TECTB: variants seen among roughly 807,000 people sequenced by gnomAD.
TECTB encodes tectorin beta.
In TECTB, 45 loss-of-function variants were observed where a neutral mutation model predicts 43.3. The observed-to-expected ratio is 1.04, with a 90% CI of 0.82 to 1.33. The LOEUF is 1.33. Ranked by LOEUF, TECTB falls within the 40% of genes most tolerant of loss-of-function variation. The probability of loss-of-function intolerance (pLI) is 0.00; values close to 1 mark genes in which losing one functional copy is unlikely to be tolerated. For missense variants in TECTB, 399 were observed against 404.7 expected (o/e 0.99, Z 0.12); for synonymous variants, 169 against 156.7 (o/e 1.08, Z -0.59).
chr10:112,302,206 C>T, intron 10 of TECTB, 73 bp downstream of exon 10: 1 of 1,575,164 alleles, frequency 6.3e-7, no homozygotes, highest in East Asian at 2.2e-5. Context: ...TTAAGAGAAG[C>T]TTAACTTTGG....
At position 112,303,826 on chromosome 10, in the gene TECTB, G is replaced by C. The variant is rs1341064915; in HGVS notation, c.*514G>C. 1.3e-5 allele frequency: 2 copies of C among 157,566 alleles called. No homozygotes were observed. The highest frequency in any genetic ancestry group is 1.2e-4 in the Admixed American group (2 of 16,528). 9.8% of individuals were successfully genotyped at this position (157,566 alleles called of 1,614,324 possible). Reference sequence around the variant, plus strand: ...TTCCAATCTTTCAACTGATGACATGGGAGATGATGTGGGATTCAGAGTGGA... The same window carrying C: ...TTCCAATCTTTCAACTGATGACATGCGAGATGATGTGGGATTCAGAGTGGA... On this transcript the variant is annotated 3_prime_UTR_variant, in exon 11 of 11. Transcript: ENST00000646139.
chr10:112,303,109 G>A lies in TECTB; in HGVS notation c.941-154G>A. On this transcript the variant is annotated intron_variant, in intron 10 of 10. Transcript: ENST00000646139. ...TGTCAGGTTCTTTGTACTGATAAAT[G>A]TGAGCTACAGAATCCCCAAGGGATG... is the stretch of plus-strand genomic sequence containing the variant. 6.1e-6 allele frequency: 5 copies of A among 817,650 alleles called. No homozygotes were observed. The South Asian group carries it at 8.1e-5, about 13-fold the overall frequency. The allele number at this position is 817,650 out of a possible 1,614,324, so 50.6% of individuals were successfully genotyped here. A position where few individuals can be genotyped will look rare whatever the true frequency, so the allele number is the denominator to read the frequency against.
intron 5 of TECTB, among the ~76,000 whole-genome samples, chr10:112,288,064 C>T (rs1298873112): frequency 6.6e-6 from 1 of 152,154 alleles, no homozygotes; most frequent in East Asian, 1.9e-4. Context: ...GAAAGCCGTC[C>T]GGAGAGGAAA....
chr10:112,294,994 A>G (rs188362893), intron 7 of TECTB, among the ~76,000 whole-genome samples: 1 of 152,308 alleles, frequency 6.6e-6, no homozygotes, highest in East Asian at 1.9e-4. Context: ...GGAAATATGG[A>G]TTCTCGCTGA....
chr10:112,297,397 G>T (rs776198721), intron 7 of TECTB, among the ~76,000 whole-genome samples: 23 of 151,878 alleles, frequency 1.5e-4, no homozygotes, highest in Non-Finnish European at 3.1e-4. Flanking sequence ...TACAAATATT[G>T]TATTCTCATT....
At chr10:112,283,901 TA>T in intron 2 of TECTB, 91 bp downstream of exon 2, 1 of 1,358,838 alleles carries the variant, frequency 7.4e-7, no homozygotes, top group Non-Finnish European at 1.0e-6. Flanking sequence ...TAACTTGTTA[TA>T]AAAATGTAAT....
At position 112,300,231 on chromosome 10, in the gene TECTB, AAAGAAAGAAAGAAAGAAAGAAAG is replaced by A. The variant is rs1380738208; in HGVS notation, c.907+670_907+692del. Among the ~76,000 whole-genome samples, 14 of 100,078 alleles carry A rather than the reference AAAGAAAGAAAGAAAGAAAGAAAG, an allele frequency of 1.4e-4. 1 individual carries two copies. In the South Asian group the frequency reaches 4.2e-3, roughly 30 times the overall value. The allele number at this position is 100,078 out of a possible 152,430, so 65.7% of individuals were successfully genotyped here. On this transcript the variant is annotated intron_variant, in intron 9 of 10. Coordinates refer to ENST00000646139, the MANE Select transcript of TECTB (RefSeq NM_058222.3). The stretch of plus-strand genomic sequence containing the variant: ...GACAGACAGACAGACAGAAAGAAAT[AAAGAAAGAAAGAAAGAAAGAAAG>A]AAAGAAAGAAAGAAAGAAAGAAAGA...
chr10:112,296,117 C>T (rs1045938282), intron 7 of TECTB, among the ~76,000 whole-genome samples: 4 of 152,152 alleles, frequency 2.6e-5, no homozygotes, highest in African/African-American at 9.7e-5. Flanking sequence ...GAAAAGTCCA[C>T]TCCCACAATC....
chr10:112,299,419 T>C (rs1160451667), intron 8 of TECTB, 73 bp from the exon 9 acceptor site: 10 of 1,432,458 alleles, frequency 7.0e-6, no homozygotes, highest in Admixed American at 3.6e-5. Flanking sequence ...CTTTTCTTTC[T>C]CTTTTCTCCC....
rs1003306440 is a variant in TECTB at position 112,283,894 on chromosome 10, C to G, written c.76+84C>G. 7 of 1,411,028 alleles carry G rather than the reference C, an allele frequency of 5.0e-6. No homozygotes were observed. The African/African-American group carries it at 8.6e-5, about 17-fold the overall frequency. The allele number at this position is 1,411,028 out of a possible 1,614,324, so 87.4% of individuals were successfully genotyped here. ...CAATGCTCAGCACTTCTGTGCTTAACTTGTTATAAAAATGTAATGATGTAG... is the reference window on the plus strand; with the variant it reads ...CAATGCTCAGCACTTCTGTGCTTAAGTTGTTATAAAAATGTAATGATGTAG... On this transcript the variant is annotated intron_variant, in intron 2 of 10. Transcript: ENST00000646139.
At chr10:112,297,739 G>A (rs569642292) in intron 7 of TECTB, among the ~76,000 whole-genome samples, 1 of 151,960 alleles carries the variant, frequency 6.6e-6, no homozygotes, top group African/African-American at 2.4e-5. Context: ...GTCCCTCAAG[G>A]GCTGGACATA....
chr10:112,303,649 G>A lies in TECTB; in HGVS notation c.*337G>A. ...AGGTTAGCAGACCCAACCAAGTACT[G>A]CTGAGCATTTTGAAGAGAATGTAGG... is the stretch of plus-strand genomic sequence containing the variant. On this transcript the variant is annotated 3_prime_UTR_variant, in exon 11 of 11. Transcript: ENST00000646139. The A allele has an allele frequency of 3.4e-6, 1 of 290,964 alleles. No homozygotes were observed. Among genetic ancestry groups the A allele is most frequent in the Non-Finnish European group, 6.5e-6 (1 of 153,100 alleles). 18.0% of individuals were successfully genotyped at this position (290,964 alleles called of 1,614,324 possible).
In TECTB at chr10:112,298,075, C is replaced by T; in HGVS notation, c.678C>T (p.Pro226=). 1.2e-6 allele frequency: 2 copies of T among 1,614,182 alleles called. No homozygotes were observed. Among genetic ancestry groups the T allele is most frequent in the Non-Finnish European group, 1.7e-6 (2 of 1,180,020 alleles). ...CTTTCCCCATCTGCCTCAGCTGCCCCACGGATGAAACCGTCCTCGTGCATG... is the reference window on the plus strand; with the variant it reads ...CTTTCCCCATCTGCCTCAGCTGCCCTACGGATGAAACCGTCCTCGTGCATG... ...LQWQLINKGC[P]TDETVLVHEN... Residue 226 remains proline, a synonymous_variant, in exon 8 of 11, where the codon CCC becomes CCT. Transcript: ENST00000646139.
Position 112,293,732 on chromosome 10 carries a change from C to G in TECTB, c.484-6C>G. On this transcript the variant is annotated splice_region_variant and splice_polypyrimidine_tract_variant and intron_variant, in intron 5 of 10. Coordinates refer to ENST00000646139, the MANE Select transcript of TECTB (RefSeq NM_058222.3). Reference sequence around the variant, plus strand: ...CATAATGCCCAGTGTCAATTTCCTTCCAAAGAATGCCAAGTTCTCCATCAA... The same window carrying G: ...CATAATGCCCAGTGTCAATTTCCTTGCAAAGAATGCCAAGTTCTCCATCAA... 1 of 1,613,384 alleles carries G rather than the reference C, an allele frequency of 6.2e-7. No homozygotes were observed. The highest frequency in any genetic ancestry group is 8.5e-7 in the Non-Finnish European group (1 of 1,179,380).
chr10:112,298,764 C>T (rs1043787061), intron 8 of TECTB, among the ~76,000 whole-genome samples: 2 of 152,180 alleles, frequency 1.3e-5, no homozygotes, highest in Non-Finnish European at 2.9e-5. Flanking sequence ...AAGGCCTGGG[C>T]AGGCTGTGCT....
chr10:112,290,239 T>C (rs539863380), intron 5 of TECTB, among the ~76,000 whole-genome samples: 6 of 152,192 alleles, frequency 3.9e-5, no homozygotes, highest in Non-Finnish European at 7.3e-5. Flanking sequence ...GCCATCCATG[T>C]TATCGGATCA....
In TECTB at chr10:112,284,557, T is replaced by C. The variant is rs780523405; in HGVS notation, c.99T>C (p.Tyr33=). 1.2e-6 allele frequency: 2 copies of C among 1,610,586 alleles called. No homozygotes were observed. Among genetic ancestry groups the C allele is most frequent in the South Asian group, 2.2e-5 (2 of 90,186 alleles). ...CAGATGTCATTCTTGTGTTTTGCTA[T>C]CCCAAAACCATCATCACCAAAATCC... is the stretch of plus-strand genomic sequence containing the variant. ...NKADVILVFC[Y]PKTIITKIPE... Residue 33 remains tyrosine, a synonymous_variant, in exon 3 of 11, where the codon TAT becomes TAC. Coordinates refer to ENST00000646139, the MANE Select transcript of TECTB (RefSeq NM_058222.3).
intron 5 of TECTB, among the ~76,000 whole-genome samples, chr10:112,289,659 G>T (rs544256204): frequency 1.1e-4 from 16 of 152,152 alleles, no homozygotes; most frequent in Non-Finnish European, 1.8e-4. Context: ...TCTTGTCTCT[G>T]TTGGTGGTTC....
At chr10:112,290,727 C>T (rs1041715478) in intron 5 of TECTB, among the ~76,000 whole-genome samples, 2 of 152,170 alleles carry the variant, frequency 1.3e-5, no homozygotes, top group Non-Finnish European at 2.9e-5. Context: ...TGTAAATCTG[C>T]CACTTCAACC....
Sources: allele counts gnomAD v4.1 joint callset (sites outside exome capture counted in the v4.1 genomes callset), GRCh38; gene constraint gnomAD v4.1.1; transcripts MANE v1.5; gene names NCBI Gene and HGNC (gene_info 2026-07-23, HGNC 2026-07-21).